Variants in KIF3C observed in about 807,000 individuals in gnomAD.
KIF3C encodes the protein kinesin family member 3C.
KIF3C carries 12 observed loss-of-function variants against 67.7 expected under a neutral mutation model. The observed-to-expected ratio is 0.18, with a 90% confidence interval of 0.11 to 0.29. KIF3C has a LOEUF of 0.29. Ranked by LOEUF, KIF3C falls within the 10% of genes least tolerant of loss-of-function variation. The probability of loss-of-function intolerance (pLI) is 1.00; values close to 1 mark genes in which losing one functional copy is unlikely to be tolerated. For synonymous variants in KIF3C, 393 were observed against 426.2 expected, an observed-to-expected ratio of 0.92 and a Z score of 0.96; for missense variants, 789 against 1,059.6, an observed-to-expected ratio of 0.74 and a Z score of 3.55.
intron 1 of KIF3C, among the ~76,000 whole-genome samples, chr2:25,975,922 C>T (rs1476513996): frequency 6.6e-6 from 1 of 151,952 alleles, no homozygotes; most frequent in Non-Finnish European, 1.5e-5. Context: ...CACGCCACTG[C>T]ACTCCAGCCT....
In KIF3C at chr2:25,980,333, C is replaced by T. The variant is rs199920144; in HGVS notation, c.1545+40G>A. 134 of 1,514,288 alleles carry T rather than the reference C, an allele frequency of 8.8e-5. No individual in the cohort carries two copies. The East Asian group carries it at 1.5e-3, about 17-fold the overall frequency. The allele number at this position is 1,514,288 out of a possible 1,614,324, so 93.8% of individuals were successfully genotyped here. On this transcript the variant is annotated intron_variant, in intron 1 of 7. Transcript: ENST00000264712. This position sits in a 1 kb window ranked among gnomAD's most constrained non-coding sequence, Gnocchi z 7.6. ...AGAGCCTCCTTGCCGGGATCCCCTG[C>T]GGGGACATCTCGAGTGCCCAGCTCC...
At position 25,954,060 on chromosome 2, in the gene KIF3C, C is replaced by T. The variant is rs151045466; in HGVS notation, c.1889+207G>A. ...GGAGTTACTTTTGGCCAGCACCTAG[C>T]GTCCATTTTGAGGGGTTCATCAAAT... On this transcript the variant is annotated intron_variant, in intron 4 of 7. Transcript: ENST00000264712. 1.3e-3 allele frequency: 734 copies of T among 577,174 alleles called. 2 individuals are homozygous for T. In the African/African-American group the frequency reaches 0.013, roughly 10 times the overall value. 35.8% of individuals were successfully genotyped at this position (577,174 alleles called of 1,614,324 possible). A position where few individuals can be genotyped will look rare whatever the true frequency, so the allele number is the denominator to read the frequency against.
At chr2:25,942,542 C>T (rs552930969) in intron 5 of KIF3C, among the ~76,000 whole-genome samples, 111 of 151,886 alleles carry the variant, frequency 7.3e-4, no homozygotes, top group Admixed American at 3.0e-3. Context: ...TCCCAAGTAG[C>T]TGGAATTACA....
chr2:25,956,657 G>A (rs972487134), intron 1 of KIF3C, among the ~76,000 whole-genome samples: 1 of 152,144 alleles, frequency 6.6e-6, no homozygotes, highest in Non-Finnish European at 1.5e-5. Flanking sequence ...GGAACACTAG[G>A]GAGGCACAGA....
rs191696890 is a variant in KIF3C at position 25,960,349 on chromosome 2, T to C, written c.1546-3905A>G. On this transcript the variant is annotated intron_variant, in intron 1 of 7. Coordinates refer to ENST00000264712, the MANE Select transcript of KIF3C (RefSeq NM_002254.8). The stretch of plus-strand genomic sequence containing the variant: ...CACATAAATGTCTGAAAAGGACTGG[T>C]GTAAGGGGCATGCATATTATTAGCA... Among the ~76,000 whole-genome samples the C allele has an allele frequency of 4.4e-3, 667 of 152,204 alleles. 3 individuals are homozygous for C. The highest frequency in any genetic ancestry group is 7.6e-3 in the Non-Finnish European group (518 of 68,012).
In KIF3C at chr2:25,951,778, T is replaced by G; in HGVS notation, c.2006+11A>C. On this transcript the variant is annotated intron_variant, in intron 5 of 7. Coordinates refer to ENST00000264712, the MANE Select transcript of KIF3C (RefSeq NM_002254.8). Reference sequence around the variant, plus strand: ...AGTCCCCCAGCCCAGACAGCTGGGTTAGAGACTCACACGCCGGCTGGCACC... The same window carrying G: ...AGTCCCCCAGCCCAGACAGCTGGGTGAGAGACTCACACGCCGGCTGGCACC... 6.3e-7 allele frequency: 1 copy of G among 1,596,138 alleles called. No individual in the cohort carries two copies.
intron 5 of KIF3C, among the ~76,000 whole-genome samples, chr2:25,933,578 G>C (rs2090479933): frequency 6.6e-6 from 1 of 151,936 alleles, no homozygotes; most frequent in African/African-American, 2.4e-5. Context: ...GAGAGGCTGA[G>C]GTGGGAGGAT....
At chr2:25,951,754 G>A in intron 5 of KIF3C, 35 bp downstream of exon 5, 1 of 1,464,762 alleles carries the variant, frequency 6.8e-7, no homozygotes, top group Non-Finnish European at 9.6e-7. Context: ...GGACCCACAA[G>A]TCCCCCAGCC....
At chr2:25,963,919 C>T (rs1664075575) in intron 1 of KIF3C, among the ~76,000 whole-genome samples, 2 of 152,002 alleles carry the variant, frequency 1.3e-5, no homozygotes, top group South Asian at 4.1e-4. Context: ...TCTCAAACTG[C>T]TGACCTTGTG....
rs529162740 is a variant in KIF3C at position 25,946,927 on chromosome 2, G to A, written c.2006+4862C>T. 1.8e-4 allele frequency among the ~76,000 whole-genome samples: 27 copies of A among 151,828 alleles called. No individual in the cohort carries two copies. The South Asian group carries it at 2.5e-3, about 14-fold the overall frequency. On this transcript the variant is annotated intron_variant, in intron 5 of 7. Transcript: ENST00000264712. Reference sequence around the variant, plus strand: ...AGCACTTCGGGAGGCCGAGGTAGGCGGATCACCTGAGATCAGGAGTTCAAG... The same window carrying A: ...AGCACTTCGGGAGGCCGAGGTAGGCAGATCACCTGAGATCAGGAGTTCAAG...
chr2:25,951,871 C>T lies in KIF3C; in HGVS notation c.1924G>A (p.Glu642Lys). 6.2e-7 allele frequency: 1 copy of T among 1,614,012 alleles called. No individual in the cohort carries two copies. Among genetic ancestry groups the T allele is most frequent in the Non-Finnish European group, 8.5e-7 (1 of 1,179,896 alleles). The change falls in exon 5 of 8, where the codon GAG becomes AAG. Residue 642 changes from glutamate (E) to lysine (K), a missense_variant. Coordinates refer to ENST00000264712, the MANE Select transcript of KIF3C (RefSeq NM_002254.8). The stretch of plus-strand genomic sequence containing the variant: ...AGCCGGTTCATGATCTTGTTCTTCT[C>T]CTCCGGCGGGATGAAGTTCTCGATG... ...LIIENFIPPE[E>K]KNKIMNRLFL...
chr2:25,969,250 C>A (rs1273127439), intron 1 of KIF3C, among the ~76,000 whole-genome samples: 1 of 151,618 alleles, frequency 6.6e-6, no homozygotes, highest in Non-Finnish European at 1.5e-5. Context: ...CTCAATTATT[C>A]ATTACCTTTA....
In KIF3C at chr2:25,952,563, A is replaced by AT. The variant is rs371570181; in HGVS notation, c.1890-659dup. On this transcript the variant is annotated intron_variant, in intron 4 of 7. Transcript: ENST00000264712. Reference sequence around the variant, plus strand: ...TGTGTGTGTGTGTATATATATATATATTTTTTTTTTTTTGAGACAGTTTTG... The same window carrying AT: ...TGTGTGTGTGTGTATATATATATATATTTTTTTTTTTTTTGAGACAGTTTTG... Among the ~76,000 whole-genome samples the AT allele has an allele frequency of 5.4e-3, 555 of 103,692 alleles. 1 individual carries two copies. The highest frequency in any genetic ancestry group is 9.4e-3 in the Non-Finnish European group (451 of 48,130). The allele number at this position is 103,692 out of a possible 152,430, so 68.0% of individuals were successfully genotyped here.
At chr2:25,936,474 C>G (rs1335737534) in intron 5 of KIF3C, among the ~76,000 whole-genome samples, 3 of 152,112 alleles carry the variant, frequency 2.0e-5, no homozygotes, top group African/African-American at 7.2e-5. Context: ...TCTGCAATAT[C>G]TCAAAAATTT....
chr2:25,951,259 T>C (rs749369901), intron 5 of KIF3C: 1 of 152,904 alleles, frequency 6.5e-6, no homozygotes. Context: ...CAGGTGGAAA[T>C]GCTGAAATCA....
At chr2:25,971,547 T>C (rs1175532629) in intron 1 of KIF3C, among the ~76,000 whole-genome samples, 2 of 152,082 alleles carry the variant, frequency 1.3e-5, no homozygotes, top group Non-Finnish European at 1.5e-5. Flanking sequence ...AATTTTTTAG[T>C]ATGAGGTGGA....
In KIF3C at chr2:25,926,937, G is replaced by A. The variant is rs1377228544; in HGVS notation, c.*2041C>T. On this transcript the variant is annotated 3_prime_UTR_variant, in exon 8 of 8. Coordinates refer to ENST00000264712, the MANE Select transcript of KIF3C (RefSeq NM_002254.8). The stretch of plus-strand genomic sequence containing the variant: ...CCAAAAGGAAAAGGAGAGAAAGAGA[G>A]ACAGAGAGACTGAGATCCAGCCACT... 1 of 152,244 alleles carries A rather than the reference G, an allele frequency of 6.6e-6. No individual in the cohort carries two copies. Among genetic ancestry groups the A allele is most frequent in the Non-Finnish European group, 1.5e-5 (1 of 68,050 alleles). The allele number at this position is 152,244 out of a possible 1,614,324, so 9.4% of individuals were successfully genotyped here.
intron 1 of KIF3C, among the ~76,000 whole-genome samples, chr2:25,970,465 C>T (rs1013697101): frequency 5.3e-5 from 8 of 151,218 alleles, no homozygotes; most frequent in East Asian, 4.0e-4. Flanking sequence ...ATCAGGAGTT[C>T]GGCGCCAGTC....
intron 1 of KIF3C, among the ~76,000 whole-genome samples, chr2:25,962,601 T>G (rs1175950684): frequency 2.7e-5 from 4 of 149,182 alleles, no homozygotes; most frequent in Admixed American, 6.9e-5. Flanking sequence ...GGTCTTGAAC[T>G]CCCGACCTAT....
Sources: gnomAD v4.1 joint callset for allele counts (sites outside exome capture counted in the v4.1 genomes callset) on GRCh38, gnomAD v4.1.1 for gene constraint, Gnocchi (gnomAD v3.1) non-coding constraint, MANE v1.5 for transcripts, NCBI Gene and HGNC (gene_info 2026-07-23, HGNC 2026-07-21) for gene names.